CFI: variants seen among roughly 807,000 people sequenced by gnomAD.
CFI encodes the protein C3B/C4B inactivator.
A neutral mutation model predicts 78.8 loss-of-function variants in CFI; 66 were observed. The ratio of observed to expected loss-of-function variants is 0.84; its 90% CI spans 0.69 to 1.03. CFI has a LOEUF of 1.03. Ranked by LOEUF, CFI falls within the 50% of genes least tolerant of loss-of-function variation. The pLI is 0.00. For synonymous variants in CFI, 250 were observed against 232.6 expected (o/e 1.07, Z -0.68); for missense variants, 706 against 704.5 (o/e 1.00, Z -0.02).
chr4:109,747,021 T>G (rs1343109448), intron 10 of CFI, among the ~76,000 whole-genome samples: 2 of 152,224 alleles, frequency 1.3e-5, no homozygotes, highest in Non-Finnish European at 2.9e-5. Flanking sequence ...TAGACTGTGC[T>G]GCTTGAAGCC....
At chr4:109,773,923 A>T (rs1024692862) in intron 1 of CFI, among the ~76,000 whole-genome samples, 4 of 152,214 alleles carry the variant, frequency 2.6e-5, no homozygotes, top group Non-Finnish European at 5.9e-5. Flanking sequence ...AAATATTCTT[A>T]TGTGTCCCCA....
intron 12 of CFI, chr4:109,741,970 G>A (rs988319411): frequency 1.9e-5 from 3 of 162,062 alleles, no homozygotes; most frequent in East Asian, 1.8e-4. Context: ...TAAGAAATGC[G>A]CTGTGATTTC....
chr4:109,766,240 A>G (rs956037324), intron 2 of CFI, among the ~76,000 whole-genome samples: 1 of 152,142 alleles, frequency 6.6e-6, no homozygotes, highest in East Asian at 1.9e-4. Flanking sequence ...AACCAACTCA[A>G]TGGCCCTGGG....
chr4:109,749,122 G>T, intron 10 of CFI, 96 bp downstream of exon 10: 1 of 1,102,044 alleles, frequency 9.1e-7, no homozygotes, highest in Non-Finnish European at 1.4e-6. Context: ...GAGTTTGTCA[G>T]TACCTTTTTC....
intron 10 of CFI, 84 bp from the exon 11 acceptor site, chr4:109,746,586 C>A: frequency 8.5e-7 from 1 of 1,181,810 alleles, no homozygotes; most frequent in South Asian, 1.5e-5. Flanking sequence ...ATATTTTTCC[C>A]TTTTAAAAAC....
chr4:109,761,436 C>G, intron 4 of CFI, 81 bp downstream of exon 4: 1 of 1,346,472 alleles, frequency 7.4e-7, no homozygotes, highest in Non-Finnish European at 1.1e-6. Flanking sequence ...AACGAGGCAT[C>G]AATCATTTGT....
At chr4:109,782,266 C>A (rs931477350) in intron 1 of CFI, among the ~76,000 whole-genome samples, 1 of 151,526 alleles carries the variant, frequency 6.6e-6, no homozygotes, top group Non-Finnish European at 1.5e-5. Flanking sequence ...GATTGTTTAC[C>A]CTGAAAACCC....
At chr4:109,781,347 T>C (rs1471999763) in intron 1 of CFI, among the ~76,000 whole-genome samples, 1 of 152,028 alleles carries the variant, frequency 6.6e-6, no homozygotes, top group East Asian at 1.9e-4. Context: ...CTGACACCAC[T>C]GAAATACAAA....
rs1726923941 is a variant in CFI, at chr4:109,760,536, T to C, written c.759A>G (p.Glu253=). Residue 253 remains glutamate (E), a synonymous_variant, in exon 5 of 13, where the codon GAA becomes GAG. Transcript: ENST00000394634. ...ATTTATGTCTACCTTTACAACACAGTTCATCACTTTGGTCTCCACAATCAT... is the reference window on the plus strand; with the variant it reads ...ATTTATGTCTACCTTTACAACACAGCTCATCACTTTGGTCTCCACAATCAT... ...GINDCGDQSD[E]LCCKACQGKG... 3 of 1,588,482 alleles carry C rather than the reference T, an allele frequency of 1.9e-6. No homozygotes were observed. Among genetic ancestry groups the C allele is most frequent in the Non-Finnish European group, 2.6e-6 (3 of 1,156,640 alleles).
At chr4:109,777,068 C>G (rs369394134) in intron 1 of CFI, among the ~76,000 whole-genome samples, 1 of 152,118 alleles carries the variant, frequency 6.6e-6, no homozygotes, top group Admixed American at 6.6e-5. Context: ...CATCAACTAA[C>G]GAGCAAAATA....
intron 3 of CFI, chr4:109,762,093 A>G: frequency 4.8e-6 from 1 of 206,356 alleles, no homozygotes; most frequent in Non-Finnish European, 9.8e-6. Flanking sequence ...CGGGAGGCTG[A>G]GGCAGGAGAA....
At chr4:109,783,681 C>T (rs1257402496) in intron 1 of CFI, among the ~76,000 whole-genome samples, 4 of 151,650 alleles carry the variant, frequency 2.6e-5, no homozygotes, top group African/African-American at 9.7e-5. Flanking sequence ...TGGGTATCTA[C>T]TCAGAGGAAA....
At chr4:109,742,215 G>A (rs1358717765) in intron 12 of CFI, 1 of 398,582 alleles carries the variant, frequency 2.5e-6, no homozygotes, top group African/African-American at 2.0e-5. Context: ...ATTAGTAAAA[G>A]CTGGGATATA....
chr4:109,746,798 G>A (rs1407656205), intron 10 of CFI, among the ~76,000 whole-genome samples: 1 of 152,160 alleles, frequency 6.6e-6, no homozygotes, highest in African/African-American at 2.4e-5. Context: ...TGGAGTGAGT[G>A]TGCCGTCGCT....
At chr4:109,731,090 C>T in the CFI span, among the ~76,000 whole-genome samples, 3 of 152,232 alleles carry the variant, frequency 2.0e-5, no homozygotes, top group African/African-American at 7.2e-5. Context: ...CGGTGGTTTA[C>T]GCCTGTAATC....
chr4:109,793,184 T>G (rs949544519), intron 1 of CFI, among the ~76,000 whole-genome samples: 1 of 152,224 alleles, frequency 6.6e-6, no homozygotes. Context: ...TGATTAAATT[T>G]ATAGTAATCT....
intron 1 of CFI, among the ~76,000 whole-genome samples, chr4:109,779,988 A>T (rs1253953845): frequency 6.6e-6 from 1 of 152,192 alleles, no homozygotes; most frequent in Non-Finnish European, 1.5e-5. Flanking sequence ...CTTATAAAAA[A>T]TTAATTCAAG....
rs192976412 is a variant in CFI at position 109,795,491 on chromosome 4, A to G, written c.57+6424T>C. Among the ~76,000 whole-genome samples the G allele has an allele frequency of 1.1e-3, 160 of 152,352 alleles. 1 individual carries two copies. Among genetic ancestry groups the G allele is most frequent in the African/African-American group, 3.8e-3 (157 of 41,578 alleles). On this transcript the variant is annotated intron_variant, in intron 1 of 12. Transcript: ENST00000394634. ...AAAAGACACTATCCAAGGAGCACAT[A>G]AAGCTCCAATAAGTGACTCTAAAGA... is the stretch of plus-strand genomic sequence containing the variant.
intron 1 of CFI, among the ~76,000 whole-genome samples, chr4:109,767,609 G>A (rs1242764821): frequency 8.6e-4 from 130 of 150,704 alleles, no homozygotes; most frequent in African/African-American, 2.9e-3. Context: ...TTAGAATGGC[G>A]ATCATTAAAA....
Sources: allele counts gnomAD v4.1 joint callset (sites outside exome capture counted in the v4.1 genomes callset), GRCh38; gene constraint gnomAD v4.1.1; transcripts MANE v1.5; gene names NCBI Gene and HGNC (gene_info 2026-07-23, HGNC 2026-07-21).